Variants in KIAA1549L observed in about 807,000 individuals in gnomAD.
KIAA1549L encodes the protein KIAA1549 like.
A neutral mutation model predicts 160.7 loss-of-function variants in KIAA1549L; 88 were observed. That is an observed-to-expected ratio of 0.55 (90% CI 0.46 to 0.65). The LOEUF is 0.65. Among genes scored for constraint, KIAA1549L ranks in the 30% least tolerant of loss-of-function variants. KIAA1549L has a pLI of 0.00. For missense variants in KIAA1549L, 2,258 were observed against 2,437.5 expected (o/e 0.93, Z 1.55); for synonymous variants, 950 against 976.7 (o/e 0.97, Z 0.51).
chr11:33,553,161 T>A (rs994408875), intron 6 of KIAA1549L, among the ~76,000 whole-genome samples: 11 of 152,282 alleles, frequency 7.2e-5, no homozygotes, highest in African/African-American at 1.7e-4. Context: ...ACAGCCCTTT[T>A]AAAAATTTTT....
At chr11:33,595,042 ATAATT>A (rs1232598661) in intron 12 of KIAA1549L, among the ~76,000 whole-genome samples, 2 of 152,236 alleles carry the variant, frequency 1.3e-5, no homozygotes, top group African/African-American at 2.4e-5. Context: ...TTCTAGTTGA[ATAATT>A]TAAATTGTGT....
At chr11:33,511,970 G>A (rs1354366658) in intron 1 of KIAA1549L, among the ~76,000 whole-genome samples, 3 of 152,200 alleles carry the variant, frequency 2.0e-5, no homozygotes, top group Non-Finnish European at 4.4e-5. Flanking sequence ...TAGGTTGAAA[G>A]TGATCATTTA....
At chr11:33,437,386 C>T (rs1044096270) in intron 1 of KIAA1549L, among the ~76,000 whole-genome samples, 2 of 152,178 alleles carry the variant, frequency 1.3e-5, no homozygotes, top group African/African-American at 2.4e-5. Flanking sequence ...TTTATTCAAG[C>T]AGCCTATCAC....
intron 8 of KIAA1549L, among the ~76,000 whole-genome samples, chr11:33,567,595 G>A (rs1855091325): frequency 6.6e-6 from 1 of 152,156 alleles, no homozygotes; most frequent in African/African-American, 2.4e-5. Context: ...GCTCAAGCTG[G>A]GACAAGGCAA....
intron 1 of KIAA1549L, among the ~76,000 whole-genome samples, chr11:33,478,979 TGGG>T (rs1294204369): frequency 6.6e-6 from 1 of 152,230 alleles, no homozygotes; most frequent in Non-Finnish European, 1.5e-5. Context: ...AGCTCAGACT[TGGG>T]CATGTTGCCC....
rs1233483039 is a variant in KIAA1549L, at chr11:33,376,453, C to T, written c.-199C>T. 1.4e-5 allele frequency: 2 copies of T among 147,288 alleles called. No homozygotes were observed. Among genetic ancestry groups the T allele is most frequent in the Non-Finnish European group, 3.0e-5 (2 of 66,126 alleles). 9.1% of individuals were successfully genotyped at this position (147,288 alleles called of 1,614,324 possible). A position where few individuals can be genotyped will look rare whatever the true frequency, so the allele number is the denominator to read the frequency against. Reference sequence around the variant, plus strand: ...CCGCGGCTCCATGCGGGCCCGGCCCCTGCGCGGGTGAAGCCGCGGCTCCCT... The same window carrying T: ...CCGCGGCTCCATGCGGGCCCGGCCCTTGCGCGGGTGAAGCCGCGGCTCCCT... On this transcript the variant is annotated 5_prime_UTR_variant, in exon 1 of 21. Transcript: ENST00000658780. The surrounding 1 kb of genome is among the most constrained non-coding windows in gnomAD (Gnocchi z 5.8).
At chr11:33,463,741 T>C (rs915352180) in intron 1 of KIAA1549L, among the ~76,000 whole-genome samples, 1 of 152,238 alleles carries the variant, frequency 6.6e-6, no homozygotes, top group Non-Finnish European at 1.5e-5. Flanking sequence ...ATGCTTTAAC[T>C]TCTTTGCTCT....
chr11:33,572,064 T>A (rs1192146332), intron 9 of KIAA1549L, among the ~76,000 whole-genome samples: 1 of 151,780 alleles, frequency 6.6e-6, no homozygotes, highest in Non-Finnish European at 1.5e-5. Context: ...TGAGATAAAG[T>A]CTCGCTCTGT....
chr11:33,492,983 T>C lies in KIAA1549L; in HGVS notation c.239-48819T>C, dbSNP rs113461602. On this transcript the variant is annotated intron_variant, in intron 1 of 20. Transcript: ENST00000658780. ...AGTGTTTTCCTTTAGTGTGATTCCA[T>C]GCAGTTGTCATGATTTCTAATTTAA... Among the ~76,000 whole-genome samples, 374 of 152,236 alleles carry C rather than the reference T, an allele frequency of 2.5e-3. 4 individuals are homozygous for C. In the South Asian group the frequency reaches 0.026, roughly 10 times the overall value.
chr11:33,520,744 C>T (rs1442806626), intron 1 of KIAA1549L, among the ~76,000 whole-genome samples: 2 of 150,772 alleles, frequency 1.3e-5, no homozygotes, highest in Middle Eastern at 6.9e-3. Context: ...CACACACTCC[C>T]TCTCTCTCCC....
At chr11:33,433,500 A>C (rs1851293758) in intron 1 of KIAA1549L, among the ~76,000 whole-genome samples, 1 of 152,234 alleles carries the variant, frequency 6.6e-6, no homozygotes, top group African/African-American at 2.4e-5. Flanking sequence ...GGGAATGTAA[A>C]TTAGTTCCAC....
At chr11:33,443,033 T>C (rs890459538) in intron 1 of KIAA1549L, among the ~76,000 whole-genome samples, 2 of 152,220 alleles carry the variant, frequency 1.3e-5, no homozygotes, top group African/African-American at 4.8e-5. Flanking sequence ...TTGCTTAATT[T>C]GCTTAATTAT....
At chr11:33,478,389 A>G (rs985545445) in intron 1 of KIAA1549L, among the ~76,000 whole-genome samples, 1 of 152,230 alleles carries the variant, frequency 6.6e-6, no homozygotes, top group Non-Finnish European at 1.5e-5. Flanking sequence ...TGGGGAAAAC[A>G]CAGATTGGCC....
intron 1 of KIAA1549L, among the ~76,000 whole-genome samples, chr11:33,415,064 AT>A (rs1427973336): frequency 6.6e-6 from 1 of 151,524 alleles, no homozygotes; most frequent in Non-Finnish European, 1.5e-5. Context: ...TTCCTTGGTG[AT>A]TTCTTTCCTC....
At chr11:33,625,029 A>G (rs2133362815) in intron 16 of KIAA1549L, among the ~76,000 whole-genome samples, 1 of 151,634 alleles carries the variant, frequency 6.6e-6, no homozygotes, top group African/African-American at 2.4e-5. Context: ...TGTTCTTGCG[A>G]TAGTTTACTA....
chr11:33,667,212 TAATAAA>T (rs900382624), intron 20 of KIAA1549L, among the ~76,000 whole-genome samples: 6 of 152,078 alleles, frequency 3.9e-5, no homozygotes, highest in African/African-American at 1.4e-4. Context: ...ATAATAATAG[TAATAAA>T]AATAAGGTAG....
intron 13 of KIAA1549L, among the ~76,000 whole-genome samples, chr11:33,602,818 C>A (rs1234935356): frequency 1.3e-5 from 2 of 152,138 alleles, no homozygotes; most frequent in African/African-American, 2.4e-5. Context: ...CCTATAAAGT[C>A]TTTTTTAGGG....
At chr11:33,524,161 T>C (rs1284897267) in intron 1 of KIAA1549L, among the ~76,000 whole-genome samples, 1 of 152,174 alleles carries the variant, frequency 6.6e-6, no homozygotes, top group African/African-American at 2.4e-5. Flanking sequence ...AATCTGTCTG[T>C]TTAGGTTTTT....
intron 1 of KIAA1549L, among the ~76,000 whole-genome samples, chr11:33,459,948 G>A (rs566730178): frequency 6.4e-5 from 5 of 78,512 alleles, no homozygotes; most frequent in African/African-American, 2.7e-4. Flanking sequence ...GCGACAGAGC[G>A]AGACTCCGTC....
Sources: gnomAD v4.1 joint callset for allele counts (sites outside exome capture counted in the v4.1 genomes callset) on GRCh38, gnomAD v4.1.1 for gene constraint, Gnocchi (gnomAD v3.1) non-coding constraint, MANE v1.5 for transcripts, NCBI Gene and HGNC (gene_info 2026-07-23, HGNC 2026-07-21) for gene names.